The following C1S variants were observed in gnomAD, a reference collection of about 807,000 sequenced individuals.
C1S encodes complement C1s subcomponent.
Under a neutral mutation model 54.0 loss-of-function variants are expected in C1S, and 31 were observed. That is an observed-to-expected ratio of 0.57 (90% confidence interval 0.43 to 0.78). C1S has a LOEUF of 0.78. Ranked by LOEUF, C1S falls within the 30% of genes least tolerant of loss-of-function variation. The pLI is 0.00. For synonymous variants in C1S, 292 were observed against 303.6 expected (o/e 0.96, Z 0.40); for missense variants, 727 against 851.8 (o/e 0.85, Z 1.82).
In C1S at chr12:7,070,777, G is replaced by A; in HGVS notation, c.*126G>A. 1.2e-6 allele frequency: 1 copy of A among 852,988 alleles called. No homozygotes were observed. The highest frequency in any genetic ancestry group is 1.9e-6 in the Non-Finnish European group (1 of 514,852). The allele number at this position is 852,988 out of a possible 1,614,324, so 52.8% of individuals were successfully genotyped here. Reference sequence around the variant, plus strand: ...CGAGCGAATGATTTAAATAGAACTTGATTGTTGAGACGCCTTGCTAGAGGT... The same window carrying A: ...CGAGCGAATGATTTAAATAGAACTTAATTGTTGAGACGCCTTGCTAGAGGT... On this transcript the variant is annotated 3_prime_UTR_variant, in exon 12 of 12. Coordinates refer to ENST00000360817, the MANE Select transcript of C1S (RefSeq NM_001734.5). This position sits in a 1 kb window ranked among gnomAD's most constrained non-coding sequence, Gnocchi z 4.9.
Position 7,061,498 on chromosome 12 carries a change from G to A in C1S, c.-74-341G>A, listed in dbSNP as rs141225235. Reference sequence around the variant, plus strand: ...AAACCTGAGTGGAAATGGGAGCATCGTTCTTGAGGGCAGGAGAGAGACTGA... The same window carrying A: ...AAACCTGAGTGGAAATGGGAGCATCATTCTTGAGGGCAGGAGAGAGACTGA... On this transcript the variant is annotated intron_variant, in intron 1 of 11. Coordinates refer to ENST00000360817, the MANE Select transcript of C1S (RefSeq NM_001734.5). 1.7e-3 allele frequency: 573 copies of A among 336,018 alleles called. 5 individuals carry two copies. Among genetic ancestry groups the A allele is most frequent in the African/African-American group, 0.011 (515 of 46,764 alleles). The allele number at this position is 336,018 out of a possible 1,614,324, so 20.8% of individuals were successfully genotyped here. A position where few individuals can be genotyped will look rare whatever the true frequency, so the allele number is the denominator to read the frequency against.
Position 7,070,635 on chromosome 12 carries a change from C to G in C1S, c.2051C>G (p.Thr684Ser). The change falls in exon 12 of 12, where the codon ACC (threonine) becomes AGC (serine). Residue 684 changes from threonine (T) to serine (S), a missense_variant. Transcript: ENST00000360817. The surrounding 1 kb of genome is among the most constrained non-coding windows in gnomAD (Gnocchi z 4.9). Reference protein sequence around the residue: ...WIMKTMQENSTPRED With the variant: ...WIMKTMQENSSPRED ...ATGAAGACTATGCAGGAAAATAGCACCCCCCGTGAGGACTAATCCAGATAC... is the reference window on the plus strand; with the variant it reads ...ATGAAGACTATGCAGGAAAATAGCAGCCCCCGTGAGGACTAATCCAGATAC... The G allele has an allele frequency of 1.2e-6, 2 of 1,613,548 alleles. No homozygotes were observed. The highest frequency in any genetic ancestry group is 1.7e-6 in the Non-Finnish European group (2 of 1,179,724).
chr12:7,070,507 C>A lies in C1S; in HGVS notation c.1923C>A (p.Pro641=). ...DSGGAFAVQD[P]NDKTKFYAAG... ...GTGGGGCCTTTGCTGTACAGGATCCCAATGACAAGACCAAATTCTACGCAG... is the reference window on the plus strand; with the variant it reads ...GTGGGGCCTTTGCTGTACAGGATCCAAATGACAAGACCAAATTCTACGCAG... The change falls in exon 12 of 12, where the codon CCC becomes CCA. Residue 641 remains proline (P), a synonymous_variant. Transcript: ENST00000360817. The surrounding 1 kb of genome is among the most constrained non-coding windows in gnomAD (Gnocchi z 4.9). The A allele has an allele frequency of 6.2e-7, 1 of 1,613,854 alleles. No homozygotes were observed.
intron 10 of C1S, 126 bp downstream of exon 10, chr12:7,067,897 C>A: frequency 9.6e-7 from 1 of 1,042,878 alleles, no homozygotes; most frequent in Non-Finnish European, 1.5e-6. Context: ...TTGTTCATCC[C>A]CTTGGCTTCG....
chr12:7,069,047 G>A (rs114709961), intron 11 of C1S, among the ~76,000 whole-genome samples: 1,638 of 152,210 alleles, frequency 0.011, 27 homozygotes, highest in African/African-American at 0.034. Context: ...TATCTCATTC[G>A]TGTCCGTATA....
chr12:7,065,964 G>A lies in C1S; in HGVS notation c.865G>A (p.Gly289Arg), dbSNP rs782593875. Residue 289 changes from glycine to arginine, a missense_variant, in exon 7 of 12, where the codon GGA (glycine) becomes AGA (arginine). Coordinates refer to ENST00000360817, the MANE Select transcript of C1S (RefSeq NM_001734.5). Reference sequence around the variant, plus strand: ...AAAGGGCTGGAAACTTCGCTATCATGGAGATCGTGAGTAACTTAGAAGTGC... The same window carrying A: ...AAAGGGCTGGAAACTTCGCTATCATAGAGATCGTGAGTAACTTAGAAGTGC... ...QKKGWKLRYH[G>R]DPMPCPKEDT... 6.2e-7 allele frequency: 1 copy of A among 1,613,886 alleles called. No homozygotes were observed. Among genetic ancestry groups the A allele is most frequent in the East Asian group, 2.2e-5 (1 of 44,884 alleles).
chr12:7,064,189 C>A, intron 4 of C1S, 78 bp from the exon 5 acceptor site: 2 of 1,494,366 alleles, frequency 1.3e-6, no homozygotes, highest in South Asian at 1.1e-5. Flanking sequence ...TTTTTCTTAC[C>A]CTTATGGTTT....
In C1S at chr12:7,067,723, C is replaced by T. The variant is rs782776907; in HGVS notation, c.1147C>T (p.Arg383Cys). The change falls in exon 10 of 12, where the codon CGC becomes TGC. Residue 383 changes from arginine to cysteine, a missense_variant. Physicochemically the swap from Arg to Cys is radical, Grantham distance 180. This residue lies in a region of C1S where 360 missense variants were observed against 453.6 expected (regional missense o/e 0.79). Coordinates refer to ENST00000360817, the MANE Select transcript of C1S (RefSeq NM_001734.5). ...GAGCACTTTGTTTGGTTCTGTCATCCGCTACACTTGTGAGGAGCCATATTA... is the reference window on the plus strand; with the variant it reads ...GAGCACTTTGTTTGGTTCTGTCATCTGCTACACTTGTGAGGAGCCATATTA... ...PESTLFGSVI[R>C]YTCEEPYYYM... The T allele has an allele frequency of 3.0e-5, 48 of 1,613,826 alleles. No homozygotes were observed. Among genetic ancestry groups the T allele is most frequent in the African/African-American group, 2.5e-4 (19 of 74,974 alleles).
At chr12:7,061,732 TG>T in intron 1 of C1S, 106 bp from the exon 2 acceptor site, 1 of 708,316 alleles carries the variant, frequency 1.4e-6, no homozygotes, top group South Asian at 1.5e-5. Flanking sequence ...GATATGGCCC[TG>T]TGTGTTATAC....
Position 7,061,858 on chromosome 12 carries a change from C to T in C1S, c.-55C>T, listed in dbSNP as rs1311640072. ...CCTTAGGCTCCAAAGTCCGGAGGTGCAGAAAGCCAGGACCAAGAGACAGGC... is the reference window on the plus strand; with the variant it reads ...CCTTAGGCTCCAAAGTCCGGAGGTGTAGAAAGCCAGGACCAAGAGACAGGC... On this transcript the variant is annotated 5_prime_UTR_variant, in exon 2 of 12. Coordinates refer to ENST00000360817, the MANE Select transcript of C1S (RefSeq NM_001734.5). The T allele has an allele frequency of 1.9e-6, 3 of 1,611,628 alleles. No homozygotes were observed. Among genetic ancestry groups the T allele is most frequent in the Middle Eastern group, 1.6e-4 (1 of 6,082 alleles).
intron 11 of C1S, 92 bp downstream of exon 11, chr12:7,068,622 T>C (rs781857260): frequency 2.2e-6 from 2 of 904,340 alleles, no homozygotes; most frequent in African/African-American, 3.2e-5. Context: ...GGGAAAGGAC[T>C]GAACAGTGAC....
chr12:7,061,712 G>A lies in C1S; in HGVS notation c.-74-127G>A, dbSNP rs943834377. 5.8e-6 allele frequency: 4 copies of A among 685,700 alleles called. No individual in the cohort carries two copies. In the African/African-American group the frequency reaches 7.1e-5, roughly 12 times the overall value. The allele number at this position is 685,700 out of a possible 1,614,324, so 42.5% of individuals were successfully genotyped here. On this transcript the variant is annotated intron_variant, in intron 1 of 11. Transcript: ENST00000360817. ...GTGTGAGGGGCACGGTGCCATGTGGGGATGTTGGTGATATGGCCCTGTGTG... is the reference window on the plus strand; with the variant it reads ...GTGTGAGGGGCACGGTGCCATGTGGAGATGTTGGTGATATGGCCCTGTGTG...
intron 1 of C1S, 140 bp from the exon 2 acceptor site, chr12:7,061,699 C>T (rs782111682): frequency 7.1e-5 from 47 of 666,216 alleles, no homozygotes; most frequent in African/African-American, 6.8e-4. Flanking sequence ...GTGAGGGGCA[C>T]GGTGCCATGT....
Position 7,070,643 on chromosome 12 carries a change from G to A in C1S, c.2059G>A (p.Glu687Lys), listed in dbSNP as rs782354572. 2 of 1,613,700 alleles carry A rather than the reference G, an allele frequency of 1.2e-6. No homozygotes were observed. Among genetic ancestry groups the A allele is most frequent in the South Asian group, 1.1e-5 (1 of 91,050 alleles). Reference protein sequence around the residue: ...KTMQENSTPRED With the variant: ...KTMQENSTPRKD ...TATGCAGGAAAATAGCACCCCCCGT[G>A]AGGACTAATCCAGATACATCCCACC... The change falls in exon 12 of 12, where the codon GAG (glutamate) becomes AAG (lysine). Residue 687 changes from glutamate to lysine, a missense_variant. Coordinates refer to ENST00000360817, the MANE Select transcript of C1S (RefSeq NM_001734.5). This position sits in a 1 kb window ranked among gnomAD's most constrained non-coding sequence, Gnocchi z 4.9.
At chr12:7,061,591 C>T in intron 1 of C1S, 1 of 446,024 alleles carries the variant, frequency 2.2e-6, no homozygotes, top group African/African-American at 2.0e-5. Context: ...TACTCGATTC[C>T]TTTGGAGAAA....
In C1S at chr12:7,070,585, G is replaced by A. The variant is rs782729953; in HGVS notation, c.2001G>A (p.Arg667=). ...GTGGGACCTATGGGCTCTACACACG[G>A]GTAAAGAACTATGTTGACTGGATAA... The part of the protein sequence containing the change: ...PQCGTYGLYT[R]VKNYVDWIMK... Residue 667 remains arginine, a synonymous_variant, in exon 12 of 12, where the codon CGG becomes CGA. Coordinates refer to ENST00000360817, the MANE Select transcript of C1S (RefSeq NM_001734.5). The surrounding 1 kb of genome is among the most constrained non-coding windows in gnomAD (Gnocchi z 4.9). The A allele has an allele frequency of 1.6e-5, 26 of 1,614,136 alleles. No individual in the cohort carries two copies. Among genetic ancestry groups the A allele is most frequent in the Middle Eastern group, 1.7e-4 (1 of 6,058 alleles).
rs782036146 is a variant in C1S, at chr12:7,062,702, AG to A, written c.213+21del. ...GTGCAGGTATGTTATAAGCACAAAA[AG>A]AATAGAGATGGAAGACTAGGGCTAA... On this transcript the variant is annotated intron_variant, in intron 3 of 11. Transcript: ENST00000360817. 6.2e-7 allele frequency: 1 copy of A among 1,606,904 alleles called. No individual in the cohort carries two copies. Among genetic ancestry groups the A allele is most frequent in the Non-Finnish European group, 8.5e-7 (1 of 1,175,112 alleles).
rs782098789 is a variant in C1S, at chr12:7,067,737, G to A, written c.1161G>A (p.Glu387=). The A allele has an allele frequency of 6.2e-7, 1 of 1,614,018 alleles. No individual in the cohort carries two copies. Among genetic ancestry groups the A allele is most frequent in the Admixed American group, 1.7e-5 (1 of 60,016 alleles). The part of the protein sequence containing the change: ...LFGSVIRYTC[E]EPYYYMENGG... Reference sequence around the variant, plus strand: ...GTTCTGTCATCCGCTACACTTGTGAGGAGCCATATTACTACATGGAAAATG... The same window carrying A: ...GTTCTGTCATCCGCTACACTTGTGAAGAGCCATATTACTACATGGAAAATG... Residue 387 remains glutamate, a synonymous_variant, in exon 10 of 12, where the codon GAG becomes GAA. Coordinates refer to ENST00000360817, the MANE Select transcript of C1S (RefSeq NM_001734.5).
At chr12:7,068,759 A>G (rs1186699112) in intron 11 of C1S, 4 of 574,200 alleles carry the variant, frequency 7.0e-6, no homozygotes, top group Non-Finnish European at 1.3e-5. Flanking sequence ...AGCCAGCGAC[A>G]GTTGGTGTCT....
Sources: allele counts gnomAD v4.1 joint callset (sites outside exome capture counted in the v4.1 genomes callset), GRCh38; gene constraint gnomAD v4.1.1; regional missense constraint gnomAD v4.1.1; non-coding constraint Gnocchi (gnomAD v3.1); transcripts MANE v1.5; gene names NCBI Gene and HGNC (gene_info 2026-07-23, HGNC 2026-07-21).